Variants in MPPED2 observed in about 807,000 individuals in gnomAD.
MPPED2 encodes the protein metallophosphoesterase MPPED2.
MPPED2 carries 5 observed loss-of-function variants against 33.0 expected under a neutral mutation model. That is an observed-to-expected ratio of 0.15 (90% CI 0.08 to 0.32). The LOEUF (loss-of-function observed/expected upper bound fraction) is 0.32. Among genes scored for constraint, MPPED2 ranks in the 10% least tolerant of loss-of-function variants. The pLI, the probability that MPPED2 is intolerant of heterozygous loss-of-function variation, is 1.00. For synonymous variants in MPPED2, 136 were observed against 141.9 expected (o/e 0.96, Z 0.29); for missense variants, 275 against 372.1 (o/e 0.74, Z 2.15).
intron 4 of MPPED2, among the ~76,000 whole-genome samples, chr11:30,426,988 G>A (rs533306903): frequency 6.6e-6 from 1 of 152,288 alleles, no homozygotes. Context: ...TCACATGCCT[G>A]GCTGGCTCCA....
rs61383437 is a variant in MPPED2, at chr11:30,401,860, ATT to A, written c.766+12366_766+12367del. Among the ~76,000 whole-genome samples, 153 of 85,990 alleles carry A rather than the reference ATT, an allele frequency of 1.8e-3. 3 individuals carry two copies. Among genetic ancestry groups the A allele is most frequent in the African/African-American group, 3.4e-3 (123 of 35,790 alleles). 56.4% of individuals were successfully genotyped at this position (85,990 alleles called of 152,430 possible). ...CTACCATGGCCAGCTAATTTTTTGT[ATT>A]TTTTTTTTTTTCTTTTAGTAGAGAC... On this transcript the variant is annotated intron_variant, in intron 6 of 6. Coordinates refer to the MPPED2 transcript ENST00000448418.
At chr11:30,424,177 T>C (rs1417955940) in intron 4 of MPPED2, among the ~76,000 whole-genome samples, 2 of 152,154 alleles carry the variant, frequency 1.3e-5, no homozygotes, top group African/African-American at 4.8e-5. Context: ...AGATCTTAAA[T>C]TGGGGAAGTT....
intron 4 of MPPED2, among the ~76,000 whole-genome samples, chr11:30,452,262 T>C (rs910803619): frequency 6.6e-6 from 1 of 152,316 alleles, no homozygotes; most frequent in Non-Finnish European, 1.5e-5. Flanking sequence ...TCAGTCACCT[T>C]GATCTTGTTT....
intron 3 of MPPED2, among the ~76,000 whole-genome samples, chr11:30,521,303 T>C (rs1953863578): frequency 6.6e-6 from 1 of 152,152 alleles, no homozygotes; most frequent in Non-Finnish European, 1.5e-5. Context: ...GATGTAACCA[T>C]ATGTCTGGAA....
Position 30,414,319 on chromosome 11 carries a change from C to T in MPPED2, c.675G>A (p.Lys225=). ...CCACACAGCCCACTCTTTGAAGCTCCTTTGGAACCCAGTCTCGAAAACCTA... is the reference window on the plus strand; with the variant it reads ...CCACACAGCCCACTCTTTGAAGCTCTTTTGGAACCCAGTCTCGAAAACCTA... The part of the protein sequence containing the change: ...PPLGFRDWVP[K]ELQRVGCVEL... The change falls in exon 6 of 7, where the codon AAG becomes AAA. Residue 225 remains lysine (K), a synonymous_variant. Coordinates refer to ENST00000358117, the MANE Select transcript of MPPED2 (RefSeq NM_001584.3). The T allele has an allele frequency of 1.2e-6, 2 of 1,613,812 alleles. No homozygotes were observed. The highest frequency in any genetic ancestry group is 1.7e-5 in the Admixed American group (1 of 60,010).
At chr11:30,556,880 C>T (rs1955986200) in intron 2 of MPPED2, among the ~76,000 whole-genome samples, 1 of 151,870 alleles carries the variant, frequency 6.6e-6, no homozygotes, top group African/African-American at 2.4e-5. Flanking sequence ...AGCCATATGA[C>T]CCTATAGGCC....
chr11:30,466,251 T>C (rs1224589974), intron 4 of MPPED2, among the ~76,000 whole-genome samples: 1 of 152,248 alleles, frequency 6.6e-6, no homozygotes, highest in African/African-American at 2.4e-5. Context: ...AATAGACTTA[T>C]CTTCCCCCTT....
rs758022150 is a variant in MPPED2, at chr11:30,495,540, G to A, written c.311-19C>T. On this transcript the variant is annotated intron_variant, in intron 3 of 6. Coordinates refer to ENST00000358117, the MANE Select transcript of MPPED2 (RefSeq NM_001584.3). ...AGGTTTCCTGAAATAAGAAAAAAGA[G>A]CACCAATTAGCACGTTCATTTCCCA... 6.5e-7 allele frequency: 1 copy of A among 1,547,618 alleles called. No individual in the cohort carries two copies. Among genetic ancestry groups the A allele is most frequent in the Non-Finnish European group, 8.9e-7 (1 of 1,120,116 alleles).
At chr11:30,450,279 C>G (rs983934654) in intron 4 of MPPED2, among the ~76,000 whole-genome samples, 19 of 152,200 alleles carry the variant, frequency 1.2e-4, no homozygotes, top group Non-Finnish European at 1.9e-4. Context: ...TAAAACCCGC[C>G]CTCATGGGGT....
chr11:30,432,201 C>G (rs920611825), intron 4 of MPPED2, among the ~76,000 whole-genome samples: 27 of 151,956 alleles, frequency 1.8e-4, no homozygotes, highest in African/African-American at 5.8e-4. Context: ...TTATCAATCT[C>G]CAGGTAACCT....
At chr11:30,564,142 G>A (rs892325468) in intron 2 of MPPED2, among the ~76,000 whole-genome samples, 4 of 152,098 alleles carry the variant, frequency 2.6e-5, no homozygotes, top group African/African-American at 9.7e-5. Flanking sequence ...ACCTGGGCTG[G>A]CAAGATACAC....
At chr11:30,547,285 C>A (rs940214488) in intron 2 of MPPED2, among the ~76,000 whole-genome samples, 2 of 152,202 alleles carry the variant, frequency 1.3e-5, no homozygotes, top group Non-Finnish European at 2.9e-5. Context: ...TTTGTTCACT[C>A]CTGATTTAGT....
intron 4 of MPPED2, among the ~76,000 whole-genome samples, chr11:30,459,361 C>T (rs183097297): frequency 3.2e-4 from 48 of 152,214 alleles, no homozygotes; most frequent in African/African-American, 6.7e-4. Context: ...GACTTTGCTG[C>T]GACCACAGAA....
At chr11:30,437,463 A>G (rs964587843) in intron 4 of MPPED2, among the ~76,000 whole-genome samples, 4 of 152,196 alleles carry the variant, frequency 2.6e-5, no homozygotes, top group Non-Finnish European at 2.9e-5. Context: ...AGAATGGCAA[A>G]GAAGACTTGG....
intron 4 of MPPED2, among the ~76,000 whole-genome samples, chr11:30,477,160 T>C (rs1259138254): frequency 2.0e-5 from 3 of 152,092 alleles, no homozygotes; most frequent in African/African-American, 7.2e-5. Flanking sequence ...CCCTGTCATC[T>C]GCAGAAATGG....
Position 30,496,397 on chromosome 11 carries a change from G to C in MPPED2, c.311-876C>G, listed in dbSNP as rs1238900608. ...CAAAGGGAGATAGTGCCGGGCAGCT[G>C]TCCCCACCTGAAATTAATGTTCTTT... On this transcript the variant is annotated intron_variant, in intron 3 of 6. Transcript: ENST00000358117. Among the ~76,000 whole-genome samples the C allele has an allele frequency of 2.0e-5, 3 of 152,152 alleles. No homozygotes were observed. In the East Asian group the frequency reaches 5.8e-4, roughly 29 times the overall value.
chr11:30,550,674 A>C (rs1051974560), intron 2 of MPPED2, among the ~76,000 whole-genome samples: 1 of 152,308 alleles, frequency 6.6e-6, no homozygotes, highest in South Asian at 2.1e-4. Context: ...GTAAAACCTC[A>C]GCCAGGTCTG....
intron 3 of MPPED2, among the ~76,000 whole-genome samples, chr11:30,528,261 T>A (rs577255101): frequency 1.3e-5 from 2 of 152,274 alleles, no homozygotes; most frequent in African/African-American, 4.8e-5. Flanking sequence ...CACTATTTAC[T>A]TTCTTTTTTT....
At chr11:30,553,032 C>T (rs1048639973) in intron 2 of MPPED2, among the ~76,000 whole-genome samples, 8 of 152,124 alleles carry the variant, frequency 5.3e-5, no homozygotes, top group South Asian at 4.2e-4. Context: ...CGGCCACCCA[C>T]GGTGAGCACA....
Sources: allele counts gnomAD v4.1 joint callset (sites outside exome capture counted in the v4.1 genomes callset), GRCh38; gene constraint gnomAD v4.1.1; transcripts MANE v1.5; gene names NCBI Gene and HGNC (gene_info 2026-07-23, HGNC 2026-07-21).